The following OSBPL10 variants were observed in gnomAD, a reference collection of about 807,000 sequenced individuals.
OSBPL10 encodes the protein oxysterol-binding protein-related protein 10.
Under a neutral mutation model 81.7 loss-of-function variants are expected in OSBPL10, and 49 were observed. That is an observed-to-expected ratio of 0.60 (90% CI 0.48 to 0.76). The LOEUF is 0.76. OSBPL10 is among the 30% of genes least tolerant of loss of function. The pLI is 0.00. For missense variants in OSBPL10, 923 were observed against 987.8 expected, an observed-to-expected ratio of 0.93 and a Z score of 0.88; for synonymous variants, 419 against 383.6, an observed-to-expected ratio of 1.09 and a Z score of -1.08.
chr3:32,052,335 G>T (rs1240101754), intron 1 of OSBPL10, among the ~76,000 whole-genome samples: 1 of 151,984 alleles, frequency 6.6e-6, no homozygotes, highest in Non-Finnish European at 1.5e-5. Context: ...ATGCTTTAAT[G>T]TCATAAACTG....
chr3:31,973,420 C>A (rs1439792532), intron 1 of OSBPL10, among the ~76,000 whole-genome samples: 3 of 152,226 alleles, frequency 2.0e-5, no homozygotes, highest in Non-Finnish European at 4.4e-5. Flanking sequence ...AAGACTCTCA[C>A]TCACAAACTT....
At chr3:31,680,574 G>T (rs984211165) in intron 8 of OSBPL10, among the ~76,000 whole-genome samples, 1 of 152,176 alleles carries the variant, frequency 6.6e-6, no homozygotes, top group Non-Finnish European at 1.5e-5. Flanking sequence ...GGACTCATCC[G>T]GGGTCTGCTG....
chr3:31,888,293 C>G (rs1410003020), intron 1 of OSBPL10, among the ~76,000 whole-genome samples: 1 of 152,160 alleles, frequency 6.6e-6, no homozygotes, highest in African/African-American at 2.4e-5. Context: ...AGAGACATCT[C>G]TTATCCTATA....
intron 4 of OSBPL10, among the ~76,000 whole-genome samples, chr3:31,828,596 T>C (rs978672038): frequency 6.6e-6 from 1 of 152,212 alleles, no homozygotes; most frequent in African/African-American, 2.4e-5. Flanking sequence ...GCACTGGGGC[T>C]ATCTTGGCTC....
intron 10 of OSBPL10, among the ~76,000 whole-genome samples, chr3:31,667,281 C>G (rs1218594043): frequency 6.6e-6 from 1 of 152,230 alleles, no homozygotes; most frequent in African/African-American, 2.4e-5. Flanking sequence ...TGCTGCCCAA[C>G]AGGATGGACT....
chr3:31,916,372 T>C (rs1430597382), intron 1 of OSBPL10, among the ~76,000 whole-genome samples: 1 of 152,242 alleles, frequency 6.6e-6, no homozygotes, highest in African/African-American at 2.4e-5. Flanking sequence ...GTCTTCCTAA[T>C]TGGGTGATTT....
At chr3:32,053,153 T>C (rs946813326) in intron 1 of OSBPL10, among the ~76,000 whole-genome samples, 4 of 151,200 alleles carry the variant, frequency 2.6e-5, no homozygotes, top group Non-Finnish European at 5.9e-5. Flanking sequence ...TACCAGGTTT[T>C]TCACCAAAAG....
intron 4 of OSBPL10, among the ~76,000 whole-genome samples, chr3:31,802,679 C>A (rs980112124): frequency 3.3e-5 from 5 of 152,024 alleles, no homozygotes; most frequent in East Asian, 1.9e-4. Context: ...CTTAGTAGGG[C>A]ATTTTGTTGC....
rs779387722 is a variant in OSBPL10 at position 31,670,841 on chromosome 3, T to C, written c.1869A>G (p.Thr623=). 2 of 1,614,204 alleles carry C rather than the reference T, an allele frequency of 1.2e-6. No homozygotes were observed. Among genetic ancestry groups the C allele is most frequent in the Non-Finnish European group, 1.7e-6 (2 of 1,180,026 alleles). The change falls in exon 9 of 12, where the codon ACA becomes ACG. Residue 623 remains threonine, a synonymous_variant. Transcript: ENST00000396556. ...INCAKTGYSA[T]VIFHTKPFYG... Reference sequence around the variant, plus strand: ...AGAAAGGCTTCGTGTGGAATATCACTGTCGCTGAGTACCCAGTCTTGGCAC... The same window carrying C: ...AGAAAGGCTTCGTGTGGAATATCACCGTCGCTGAGTACCCAGTCTTGGCAC...
intron 4 of OSBPL10, among the ~76,000 whole-genome samples, chr3:31,802,050 C>G (rs1575554441): frequency 6.6e-6 from 1 of 151,216 alleles, no homozygotes; most frequent in Non-Finnish European, 1.5e-5. Context: ...CTCGAACTCC[C>G]GACCTCAGGT....
intron 3 of OSBPL10, among the ~76,000 whole-genome samples, chr3:31,837,929 T>G (rs1219206453): frequency 1.3e-5 from 2 of 152,120 alleles, no homozygotes; most frequent in African/African-American, 4.8e-5. Flanking sequence ...TGAGACAACT[T>G]AATGTTGTAA....
chr3:31,928,750 G>A (rs918561525), intron 1 of OSBPL10, among the ~76,000 whole-genome samples: 2 of 126,478 alleles, frequency 1.6e-5, no homozygotes, highest in Non-Finnish European at 3.1e-5. Context: ...GGGCGACAGT[G>A]AGACTTGTCT....
chr3:31,663,388 G>C, intron 11 of OSBPL10: 1 of 986,472 alleles, frequency 1.0e-6, no homozygotes, highest in Non-Finnish European at 1.2e-6. Context: ...CTGTGGGCCT[G>C]CTTTAAGACG....
Position 31,664,145 on chromosome 3 carries a change from TTGCTTCTCCTCCAGG to T in OSBPL10, c.2169_2183del (p.His723_Lys727del), listed in dbSNP as rs760904432. ...TCTCGCGCTTCCGTTCCTCCACCCG[TTGCTTCTCCTCCAGG>T]TGCCGCTTCTGCTCGGTGGCTGCGT... On this transcript the variant is annotated inframe_deletion, in exon 11 of 12. Coordinates refer to ENST00000396556, the MANE Select transcript of OSBPL10 (RefSeq NM_017784.5). 1 of 1,613,858 alleles carries T rather than the reference TTGCTTCTCCTCCAGG, an allele frequency of 6.2e-7. No individual in the cohort carries two copies. Among genetic ancestry groups the T allele is most frequent in the Non-Finnish European group, 8.5e-7 (1 of 1,179,994 alleles).
chr3:31,824,514 A>G (rs1055376840), intron 4 of OSBPL10, among the ~76,000 whole-genome samples: 1 of 152,204 alleles, frequency 6.6e-6, no homozygotes, highest in Non-Finnish European at 1.5e-5. Context: ...GGTTGCTACA[A>G]GAGCACTGGA....
At chr3:31,926,862 C>G (rs536324082) in intron 1 of OSBPL10, among the ~76,000 whole-genome samples, 12 of 152,316 alleles carry the variant, frequency 7.9e-5, no homozygotes, top group Non-Finnish European at 1.8e-4. Context: ...GTAATCCCAA[C>G]CCTTTGAGAG....
At chr3:31,837,116 A>G (rs1302198101) in intron 3 of OSBPL10, among the ~76,000 whole-genome samples, 1 of 152,026 alleles carries the variant, frequency 6.6e-6, no homozygotes, top group Non-Finnish European at 1.5e-5. Flanking sequence ...ACAATTAAAT[A>G]AAGACCTCAT....
At chr3:32,039,397 C>T (rs1699550439) in intron 2 of OSBPL10, among the ~76,000 whole-genome samples, 1 of 149,900 alleles carries the variant, frequency 6.7e-6, no homozygotes, top group African/African-American at 2.5e-5. Context: ...TGGCTCATGC[C>T]TATAATCCCA....
intron 1 of OSBPL10, among the ~76,000 whole-genome samples, chr3:31,939,084 C>G (rs1697462106): frequency 6.6e-6 from 1 of 151,752 alleles, no homozygotes; most frequent in Admixed American, 6.6e-5. Context: ...TACATTAATG[C>G]TCTCTTATGC....
Sources: allele counts gnomAD v4.1 joint callset (sites outside exome capture counted in the v4.1 genomes callset), GRCh38; gene constraint gnomAD v4.1.1; transcripts MANE v1.5; gene names NCBI Gene and HGNC (gene_info 2026-07-23, HGNC 2026-07-21).